SGCZ: variants seen among roughly 807,000 people sequenced by gnomAD.
SGCZ encodes sarcoglycan zeta, also known as zeta-sarcoglycan.
In SGCZ, 40 loss-of-function variants were observed where a neutral mutation model predicts 41.3. That is an observed-to-expected ratio of 0.97 (90% CI 0.75 to 1.26). The LOEUF is 1.26. Ranked by LOEUF, SGCZ falls within the 50% of genes most tolerant of loss-of-function variation. The pLI is 0.00. For synonymous variants in SGCZ, 206 were observed against 137.5 expected (o/e 1.50, Z -3.49); for missense variants, 552 against 369.8 (o/e 1.49, Z -4.04).
intron 3 of SGCZ, among the ~76,000 whole-genome samples, chr8:14,287,026 G>A (rs1800659932): frequency 6.6e-6 from 1 of 151,764 alleles, no homozygotes; most frequent in Non-Finnish European, 1.5e-5. Context: ...AGTTATCTGT[G>A]ATTTCTTTGT....
chr8:14,743,547 AT>A (rs1799257068), intron 1 of SGCZ, among the ~76,000 whole-genome samples: 1 of 152,050 alleles, frequency 6.6e-6, no homozygotes, highest in African/African-American at 2.4e-5. Flanking sequence ...TAATTGTAGA[AT>A]GGGGGAAGAA....
At chr8:15,220,653 C>T (rs1194682048) in intron 1 of SGCZ, among the ~76,000 whole-genome samples, 1 of 152,054 alleles carries the variant, frequency 6.6e-6, no homozygotes, top group Admixed American at 6.5e-5. Flanking sequence ...CCCCATGATG[C>T]CATTACTGGA....
At position 14,412,774 on chromosome 8, in the gene SGCZ, A is replaced by G. The variant is rs146406898; in HGVS notation, c.235-88570T>C. On this transcript the variant is annotated intron_variant, in intron 2 of 7. Coordinates refer to ENST00000382080, the MANE Select transcript of SGCZ (RefSeq NM_139167.4). ...ACTAATAATGCGCACGTGACAAGGT[A>G]TCAAAATAGCAGCAACTATAAGGAT... Among the ~76,000 whole-genome samples the G allele has an allele frequency of 8.6e-5, 13 of 151,902 alleles. No homozygotes were observed. In the East Asian group the frequency reaches 2.5e-3, roughly 29 times the overall value.
chr8:14,568,278 T>C (rs1804441588), intron 1 of SGCZ, among the ~76,000 whole-genome samples: 1 of 151,960 alleles, frequency 6.6e-6, no homozygotes, highest in African/African-American at 2.4e-5. Context: ...CAATACCTAA[T>C]GCATGTAGGG....
At chr8:14,545,015 T>G (rs1803581296) in intron 2 of SGCZ, among the ~76,000 whole-genome samples, 1 of 152,158 alleles carries the variant, frequency 6.6e-6, no homozygotes, top group African/African-American at 2.4e-5. Context: ...GGTCTGAAAC[T>G]CAGGCGAGCA....
At chr8:14,203,512 C>T (rs896532234) in intron 4 of SGCZ, among the ~76,000 whole-genome samples, 1 of 152,034 alleles carries the variant, frequency 6.6e-6, no homozygotes, top group Non-Finnish European at 1.5e-5. Flanking sequence ...ATTTTTATTT[C>T]ACTGGATTCA....
chr8:15,089,070 G>C (rs575345112), intron 1 of SGCZ, among the ~76,000 whole-genome samples: 1 of 152,022 alleles, frequency 6.6e-6, no homozygotes, highest in Admixed American at 6.6e-5. Context: ...TGGAAAAAAC[G>C]ATCTCCAACT....
chr8:14,575,017 A>G (rs1233911968), intron 1 of SGCZ, among the ~76,000 whole-genome samples: 1 of 152,216 alleles, frequency 6.6e-6, no homozygotes, highest in Admixed American at 6.5e-5. Context: ...TACAGAAAAT[A>G]ATTTTGTTTT....
At chr8:14,680,647 C>T (rs920529928) in intron 1 of SGCZ, among the ~76,000 whole-genome samples, 5 of 151,298 alleles carry the variant, frequency 3.3e-5, no homozygotes, top group African/African-American at 1.2e-4. Flanking sequence ...AGGCATGAGA[C>T]TGGTGAGGAG....
rs574298081 is a variant in SGCZ at position 14,453,431 on chromosome 8, T to C, written c.234+101301A>G. The stretch of plus-strand genomic sequence containing the variant: ...AACAACAAGACATTTTTGTTTATTT[T>C]GTCTTTTTCTTGTTTGGGTACTAAG... On this transcript the variant is annotated intron_variant, in intron 2 of 7. Transcript: ENST00000382080. Among the ~76,000 whole-genome samples, 6 of 152,348 alleles carry C rather than the reference T, an allele frequency of 3.9e-5. No individual in the cohort carries two copies. In the South Asian group the frequency reaches 1.2e-3, roughly 32 times the overall value.
intron 6 of SGCZ, among the ~76,000 whole-genome samples, chr8:14,104,767 A>G (rs979746288): frequency 1.3e-5 from 2 of 152,098 alleles, no homozygotes; most frequent in South Asian, 2.1e-4. Context: ...TATTAGAGCT[A>G]TGTGTTTCTA....
intron 1 of SGCZ, among the ~76,000 whole-genome samples, chr8:14,742,327 A>C (rs559726842): frequency 1.3e-5 from 2 of 152,132 alleles, no homozygotes; most frequent in South Asian, 2.1e-4. Flanking sequence ...ACACACACAC[A>C]CCTCAGCAAC....
At chr8:14,575,402 A>G (rs1458365187) in intron 1 of SGCZ, among the ~76,000 whole-genome samples, 2 of 152,336 alleles carry the variant, frequency 1.3e-5, no homozygotes, top group Non-Finnish European at 1.5e-5. Flanking sequence ...ATCACTTTGA[A>G]GAGAAATTAA....
chr8:14,557,781 C>T (rs894679642), intron 1 of SGCZ, among the ~76,000 whole-genome samples: 2 of 151,900 alleles, frequency 1.3e-5, no homozygotes, highest in East Asian at 3.9e-4. Context: ...AAACCAAACC[C>T]AAACCCAGCA....
At chr8:15,107,529 G>A (rs987032048) in intron 1 of SGCZ, among the ~76,000 whole-genome samples, 3 of 152,098 alleles carry the variant, frequency 2.0e-5, no homozygotes, top group African/African-American at 7.2e-5. Flanking sequence ...TACATACCCA[G>A]TCCCCTTCTA....
At chr8:14,265,908 G>C (rs1019924738) in intron 3 of SGCZ, among the ~76,000 whole-genome samples, 3 of 151,800 alleles carry the variant, frequency 2.0e-5, no homozygotes, top group Non-Finnish European at 4.4e-5. Flanking sequence ...AAGTCAGGGA[G>C]AGGAGATTTG....
intron 1 of SGCZ, among the ~76,000 whole-genome samples, chr8:14,570,194 C>G (rs774152242): frequency 6.6e-6 from 1 of 152,098 alleles, no homozygotes; most frequent in African/African-American, 2.4e-5. Context: ...CAGGTAGGTG[C>G]TCAATAATAC....
At chr8:14,626,224 A>G (rs1014932709) in intron 1 of SGCZ, among the ~76,000 whole-genome samples, 6 of 152,064 alleles carry the variant, frequency 3.9e-5, no homozygotes, top group African/African-American at 1.2e-4. Flanking sequence ...AACGTGTGTC[A>G]TGGTGGTTTG....
At chr8:14,105,487 A>G (rs78005520) in intron 6 of SGCZ, among the ~76,000 whole-genome samples, 4,119 of 151,774 alleles carry the variant, frequency 0.027, 172 homozygotes, top group African/African-American at 0.095. Flanking sequence ...ACCAACAAAC[A>G]GTACTTACCT....
Sources: allele counts gnomAD v4.1 joint callset (sites outside exome capture counted in the v4.1 genomes callset), GRCh38; gene constraint gnomAD v4.1.1; transcripts MANE v1.5; gene names NCBI Gene and HGNC (gene_info 2026-07-23, HGNC 2026-07-21).